The following AVEN variants were observed in gnomAD, a reference collection of about 807,000 sequenced individuals.
AVEN encodes cell death regulator Aven.
Under a neutral mutation model 38.1 loss-of-function variants are expected in AVEN, and 41 were observed. The ratio of observed to expected loss-of-function variants is 1.08; its 90% CI spans 0.84 to 1.40. The LOEUF is 1.40. Ranked by LOEUF, AVEN falls within the 40% of genes most tolerant of loss-of-function variation. AVEN has a pLI of 0.00. For synonymous variants in AVEN, 206 were observed against 171.8 expected, an observed-to-expected ratio of 1.20 and a Z score of -1.56; for missense variants, 605 against 438.8, an observed-to-expected ratio of 1.38 and a Z score of -3.38.
At chr15:33,978,327 G>A (rs1218265918) in intron 2 of AVEN, among the ~76,000 whole-genome samples, 1 of 152,112 alleles carries the variant, frequency 6.6e-6, no homozygotes, top group Non-Finnish European at 1.5e-5. Flanking sequence ...AAACAGAGTG[G>A]GGGAGTACAT....
At chr15:33,854,244 C>A, downstream of AVEN, 1 of 650,854 alleles carries the variant, frequency 1.5e-6, no homozygotes, top group Non-Finnish European at 2.7e-6. Flanking sequence ...TCTCTTGTCT[C>A]ATGGGGAGCA....
intron 2 of AVEN, among the ~76,000 whole-genome samples, chr15:33,897,835 T>C (rs1308453608): frequency 6.6e-6 from 1 of 152,066 alleles, no homozygotes; most frequent in African/African-American, 2.4e-5. Context: ...CAAGTTATGA[T>C]TGTGCCACTG....
chr15:33,988,241 G>GT (rs904581511), intron 2 of AVEN, among the ~76,000 whole-genome samples: 2 of 152,000 alleles, frequency 1.3e-5, no homozygotes, highest in Non-Finnish European at 2.9e-5. Flanking sequence ...AATAAACATA[G>GT]TTTTTTTTAG....
At chr15:33,987,627 A>G (rs1166468877) in intron 2 of AVEN, among the ~76,000 whole-genome samples, 1 of 152,164 alleles carries the variant, frequency 6.6e-6, no homozygotes, top group Admixed American at 6.5e-5. Context: ...TATTCCACTG[A>G]GGTCAAGGCT....
At position 34,045,349 on chromosome 15, in the gene AVEN, A is replaced by G. The variant is rs79244385; in HGVS notation, n.1637+17573T>C. On this transcript the variant is annotated intron_variant and non_coding_transcript_variant, in intron 5 of 11. Coordinates refer to the AVEN transcript ENST00000675287. ...ATTTCTTAATCACCACCTTATCTTC[A>G]GTCAGCAATTTGATTCTACCAGTCA... is the stretch of plus-strand genomic sequence containing the variant. Among the ~76,000 whole-genome samples, 4 of 152,292 alleles carry G rather than the reference A, an allele frequency of 2.6e-5. No individual in the cohort carries two copies. The East Asian group carries it at 7.7e-4, about 29-fold the overall frequency.
At chr15:33,888,300 G>A (rs2153039736) in intron 2 of AVEN, among the ~76,000 whole-genome samples, 1 of 152,102 alleles carries the variant, frequency 6.6e-6, no homozygotes, top group South Asian at 2.1e-4. Context: ...TCTTATGGGA[G>A]CATTGTGTGT....
At chr15:33,861,417 G>A (rs1285579553), downstream of AVEN, among the ~76,000 whole-genome samples, 1 of 151,850 alleles carries the variant, frequency 6.6e-6, no homozygotes, top group Non-Finnish European at 1.5e-5. Flanking sequence ...ATTCCATCCG[G>A]GACACATACC....
chr15:34,063,929 C>G lies in AVEN; in HGVS notation n.1127-497G>C. 1 of 1,614,198 alleles carries G rather than the reference C, an allele frequency of 6.2e-7. No individual in the cohort carries two copies. The highest frequency in any genetic ancestry group is 2.2e-5 in the East Asian group (1 of 44,882). On this transcript the variant is annotated intron_variant and non_coding_transcript_variant, in intron 4 of 11. Coordinates refer to the AVEN transcript ENST00000675287. The surrounding 1 kb of genome is among the most constrained non-coding windows in gnomAD (Gnocchi z 4.1). ...GCTGTCACAAGGTGAAAATCATGCC[C>G]TGCCCCTTCCCAGTGGCCAAGGAAC... is the stretch of plus-strand genomic sequence containing the variant.
At chr15:33,852,985 T>C in the AVEN span, 2 of 1,436,344 alleles carry the variant, frequency 1.4e-6, 1 homozygote, top group South Asian at 2.4e-5. Context: ...GAAACGTTTC[T>C]TGATGTGTTT....
intron 2 of AVEN, among the ~76,000 whole-genome samples, chr15:33,876,642 A>G (rs1399482509): frequency 6.6e-6 from 1 of 152,290 alleles, no homozygotes; most frequent in Admixed American, 6.5e-5. Flanking sequence ...GTGGATATAC[A>G]TGTGTATATG....
At chr15:34,003,786 T>C (rs1247208511) in intron 1 of AVEN, among the ~76,000 whole-genome samples, 2 of 152,214 alleles carry the variant, frequency 1.3e-5, no homozygotes, top group Non-Finnish European at 1.5e-5. Context: ...TTCCATACTC[T>C]AGAATAATGA....
intron 5 of AVEN, among the ~76,000 whole-genome samples, chr15:34,057,130 TGG>T (rs1567491796): frequency 2.0e-5 from 1 of 50,494 alleles, no homozygotes; most frequent in Non-Finnish European, 1.0e-4. Flanking sequence ...AGAAGAGTTT[TGG>T]TTTTTTTTGG....
Position 34,034,066 on chromosome 15 carries a change from T to C in AVEN, c.267+4714A>G, listed in dbSNP as rs890966620. Among the ~76,000 whole-genome samples the C allele has an allele frequency of 1.5e-4, 23 of 152,334 alleles. 1 individual carries two copies. Among genetic ancestry groups the C allele is most frequent in the Non-Finnish European group, 5.9e-5 (4 of 68,022 alleles). ...TCCCAAAGTGCTGGGATTACAGGCATGAGCCACTGCGCCCAGCCTAAATAA... is the reference window on the plus strand; with the variant it reads ...TCCCAAAGTGCTGGGATTACAGGCACGAGCCACTGCGCCCAGCCTAAATAA... On this transcript the variant is annotated intron_variant, in intron 1 of 5. Transcript: ENST00000306730.
intron 1 of AVEN, among the ~76,000 whole-genome samples, chr15:34,006,039 C>T (rs540371150): frequency 1.2e-4 from 19 of 152,142 alleles, no homozygotes; most frequent in Non-Finnish European, 2.4e-4. Context: ...TGGCCAGGCA[C>T]GGTGGCTCAC....
chr15:33,861,475 AT>A (rs1351933811), downstream of AVEN, among the ~76,000 whole-genome samples: 1 of 113,428 alleles, frequency 8.8e-6, no homozygotes, highest in African/African-American at 2.6e-5. Context: ...CACCATATAA[AT>A]ATGCTTTTTT....
intron 1 of AVEN, among the ~76,000 whole-genome samples, chr15:34,017,626 C>T (rs1897995508): frequency 6.6e-6 from 1 of 151,928 alleles, no homozygotes; most frequent in Non-Finnish European, 1.5e-5. Flanking sequence ...ACTACAGGTG[C>T]ATGCCACCAC....
intron 1 of AVEN, among the ~76,000 whole-genome samples, chr15:34,030,167 T>C (rs775535448): frequency 1.3e-5 from 2 of 151,780 alleles, no homozygotes; most frequent in Non-Finnish European, 2.9e-5. Flanking sequence ...GGCAGGAGAA[T>C]CTCTTGAACC....
intron 2 of AVEN, among the ~76,000 whole-genome samples, chr15:33,997,683 A>C (rs1896993718): frequency 6.6e-6 from 1 of 151,964 alleles, no homozygotes; most frequent in Non-Finnish European, 1.5e-5. Flanking sequence ...ACTGCCCCTC[A>C]TCTTCTCTCA....
upstream of AVEN, among the ~76,000 whole-genome samples, chr15:34,040,747 T>C (rs1278947996): frequency 6.6e-6 from 1 of 151,888 alleles, no homozygotes; most frequent in Admixed American, 6.6e-5. Flanking sequence ...GGCAACATGG[T>C]GAAACCCCAT....
Sources: allele counts gnomAD v4.1 joint callset (sites outside exome capture counted in the v4.1 genomes callset), GRCh38; gene constraint gnomAD v4.1.1; non-coding constraint Gnocchi (gnomAD v3.1); transcripts MANE v1.5; gene names NCBI Gene and HGNC (gene_info 2026-07-23, HGNC 2026-07-21).